The following SORCS1 variants were observed in gnomAD, a reference collection of about 807,000 sequenced individuals.
SORCS1 encodes VPS10 domain-containing receptor SorCS1.
SORCS1 carries 60 observed loss-of-function variants against 146.1 expected under a neutral mutation model. The ratio of observed to expected loss-of-function variants is 0.41; its 90% CI spans 0.33 to 0.51. SORCS1 has a LOEUF of 0.51. SORCS1 is among the 20% of genes least tolerant of loss of function. The probability of loss-of-function intolerance (pLI) is 0.21; values close to 1 mark genes in which losing one functional copy is unlikely to be tolerated. For synonymous variants in SORCS1, 637 were observed against 584.0 expected (o/e 1.09, Z -1.31); for missense variants, 1,352 against 1,487.6 (o/e 0.91, Z 1.50).
At chr10:106,824,036 G>A (rs1589479386) in intron 3 of SORCS1, among the ~76,000 whole-genome samples, 1 of 152,196 alleles carries the variant, frequency 6.6e-6, no homozygotes, top group East Asian at 1.9e-4. Context: ...TGGCGTGGTG[G>A]CTCATGCTTG....
At chr10:107,010,651 T>C (rs1001658824) in intron 1 of SORCS1, among the ~76,000 whole-genome samples, 1 of 151,480 alleles carries the variant, frequency 6.6e-6, no homozygotes, top group South Asian at 2.1e-4. Context: ...GGAAAGTTAA[T>C]AGGAGCTGAT....
chr10:106,884,748 GAGA>G (rs1950931418), intron 2 of SORCS1, among the ~76,000 whole-genome samples: 1 of 152,108 alleles, frequency 6.6e-6, no homozygotes, highest in Admixed American at 6.6e-5. Context: ...AATCATAATT[GAGA>G]AGTTTTTAAA....
chr10:107,143,156 AATGAGT>A (rs1268576253), intron 1 of SORCS1, among the ~76,000 whole-genome samples: 1 of 152,196 alleles, frequency 6.6e-6, no homozygotes, highest in African/African-American at 2.4e-5. Context: ...ATGCCCTGAA[AATGAGT>A]TCAATGGATG....
chr10:106,646,669 C>T (rs964546044), intron 18 of SORCS1, among the ~76,000 whole-genome samples: 2 of 152,042 alleles, frequency 1.3e-5, no homozygotes, highest in African/African-American at 4.8e-5. Context: ...TGCACTCCAG[C>T]CTGGGCGACA....
intron 2 of SORCS1, among the ~76,000 whole-genome samples, chr10:106,954,258 A>G (rs1336183966): frequency 6.6e-6 from 1 of 152,180 alleles, no homozygotes; most frequent in Non-Finnish European, 1.5e-5. Context: ...TATACTTTAT[A>G]TGGAAAATGC....
intron 2 of SORCS1, among the ~76,000 whole-genome samples, chr10:106,879,075 G>A (rs1343736606): frequency 3.3e-5 from 5 of 151,808 alleles, no homozygotes; most frequent in Admixed American, 2.6e-4. Flanking sequence ...GCGTGAACCC[G>A]GGAGGCAGAG....
intron 3 of SORCS1, among the ~76,000 whole-genome samples, chr10:106,824,106 CCAGCCTGGCTAACATGGTGAAAT>C (rs1469865848): frequency 3.0e-4 from 45 of 149,860 alleles, no homozygotes; most frequent in African/African-American, 1.1e-3. Context: ...GAGTTCGAAA[CCAGCCTGGCTAACATGGTGAAAT>C]CCCATCTCTA....
intron 1 of SORCS1, among the ~76,000 whole-genome samples, chr10:107,015,108 C>T (rs1003821666): frequency 2.6e-5 from 4 of 152,144 alleles, no homozygotes; most frequent in African/African-American, 9.7e-5. Flanking sequence ...TCTAAATCAC[C>T]GGTAGAAACA....
intron 1 of SORCS1, among the ~76,000 whole-genome samples, chr10:107,003,286 G>A (rs1005086873): frequency 2.6e-5 from 4 of 152,078 alleles, no homozygotes; most frequent in African/African-American, 9.7e-5. Context: ...TTCTACAATA[G>A]GTACTTAGCA....
chr10:107,012,825 AT>A (rs1368271814), intron 1 of SORCS1, among the ~76,000 whole-genome samples: 3 of 152,154 alleles, frequency 2.0e-5, no homozygotes, highest in Non-Finnish European at 4.4e-5. Flanking sequence ...TATTTATAAC[AT>A]TGTGCATGTT....
At chr10:106,974,062 CCTACTTGTGCTA>C (rs1955898782) in intron 1 of SORCS1, among the ~76,000 whole-genome samples, 1 of 152,166 alleles carries the variant, frequency 6.6e-6, no homozygotes, top group Admixed American at 6.5e-5. Context: ...TAAATGAGCA[CCTACTTGTGCTA>C]CTACATTTGA....
intron 1 of SORCS1, among the ~76,000 whole-genome samples, chr10:107,163,665 CCT>C (rs2134955269): frequency 6.6e-6 from 1 of 152,234 alleles, no homozygotes; most frequent in Admixed American, 6.5e-5. Flanking sequence ...AACTTTAACC[CCT>C]CTGTTTACCT....
At chr10:106,730,558 T>C (rs1356213465) in intron 5 of SORCS1, among the ~76,000 whole-genome samples, 1 of 152,176 alleles carries the variant, frequency 6.6e-6, no homozygotes, top group Non-Finnish European at 1.5e-5. Context: ...GACTGCCCTA[T>C]GAACAAACCC....
chr10:106,607,283 T>C lies in SORCS1; in HGVS notation c.3048A>G (p.Pro1016=). Residue 1016 remains proline, a synonymous_variant, in exon 23 of 26, where the codon CCA becomes CCG. Transcript: ENST00000263054. ...KKSLVEATGV[P]GQHILVAVLP... Reference sequence around the variant, plus strand: ...GCACCGCCACCAGGATGTGCTGGCCTGGAACCCCTGTGGCCTGAGGGACAG... The same window carrying C: ...GCACCGCCACCAGGATGTGCTGGCCCGGAACCCCTGTGGCCTGAGGGACAG... 6.2e-7 allele frequency: 1 copy of C among 1,614,058 alleles called. No homozygotes were observed. The highest frequency in any genetic ancestry group is 2.2e-5 in the East Asian group (1 of 44,864).
At chr10:107,108,944 A>G (rs1467872405) in intron 1 of SORCS1, among the ~76,000 whole-genome samples, 2 of 152,238 alleles carry the variant, frequency 1.3e-5, no homozygotes, top group Non-Finnish European at 2.9e-5. Flanking sequence ...CCAGCAAGGC[A>G]GTCATTAAAT....
At chr10:106,777,091 T>C (rs564674038) in intron 3 of SORCS1, among the ~76,000 whole-genome samples, 2 of 152,322 alleles carry the variant, frequency 1.3e-5, no homozygotes, top group Admixed American at 1.3e-4. Context: ...GTGGGAAAAG[T>C]GGAAGAGAAA....
intron 4 of SORCS1, among the ~76,000 whole-genome samples, chr10:106,770,694 C>G (rs192125237): frequency 1.3e-5 from 2 of 152,266 alleles, no homozygotes; most frequent in Admixed American, 1.3e-4. Context: ...AGCAGAATTA[C>G]TTCTCTCAAA....
chr10:106,916,840 C>A (rs1281943723), intron 2 of SORCS1, among the ~76,000 whole-genome samples: 1 of 152,098 alleles, frequency 6.6e-6, no homozygotes, highest in Non-Finnish European at 1.5e-5. Context: ...ACCTCCATCT[C>A]CCAGACTCAA....
intron 1 of SORCS1, among the ~76,000 whole-genome samples, chr10:107,005,251 G>A (rs1389695719): frequency 6.6e-6 from 1 of 150,388 alleles, no homozygotes; most frequent in African/African-American, 2.4e-5. Flanking sequence ...TTGAGCCCAA[G>A]AGTTTGAAGC....
Sources: allele counts gnomAD v4.1 joint callset (sites outside exome capture counted in the v4.1 genomes callset), GRCh38; gene constraint gnomAD v4.1.1; transcripts MANE v1.5; gene names NCBI Gene and HGNC (gene_info 2026-07-23, HGNC 2026-07-21).